Variants in MSRA observed in about 807,000 individuals in gnomAD.
MSRA encodes methionine sulfoxide reductase A.
Under a neutral mutation model 31.3 loss-of-function variants are expected in MSRA, and 54 were observed. The ratio of observed to expected loss-of-function variants is 1.73; its 90% CI spans 1.39 to 2.17. MSRA has a LOEUF of 2.17. Among genes scored for constraint, MSRA ranks in the 30% most tolerant of loss-of-function variants. The probability of loss-of-function intolerance (pLI) is 0.00; values close to 1 mark genes in which losing one functional copy is unlikely to be tolerated. For synonymous variants in MSRA, 169 were observed against 116.5 expected (o/e 1.45, Z -2.90); for missense variants, 507 against 300.9 (o/e 1.69, Z -5.07).
chr8:10,387,942 C>T (rs1411897682), intron 5 of MSRA, among the ~76,000 whole-genome samples: 1 of 152,284 alleles, frequency 6.6e-6, no homozygotes, highest in Non-Finnish European at 1.5e-5. Context: ...CTTGGCATGC[C>T]AAAGCCGCCT....
chr8:10,346,499 G>T lies in MSRA; in HGVS notation c.543+26510G>T, dbSNP rs551028092. Among the ~76,000 whole-genome samples, 3 of 152,234 alleles carry T rather than the reference G, an allele frequency of 2.0e-5. No individual in the cohort carries two copies. In the South Asian group the frequency reaches 6.2e-4, roughly 32 times the overall value. On this transcript the variant is annotated intron_variant, in intron 5 of 5. Transcript: ENST00000317173. The stretch of plus-strand genomic sequence containing the variant: ...GGAAATAAACGAAGACCACCAAATG[G>T]AAACAAGCAAAGCCTCTTGAATCAG...
At chr8:10,275,579 A>G (rs1326681891) in intron 3 of MSRA, among the ~76,000 whole-genome samples, 1 of 152,216 alleles carries the variant, frequency 6.6e-6, no homozygotes, top group Non-Finnish European at 1.5e-5. Context: ...TGCTTGAAGT[A>G]ATTGGAACAG....
intron 1 of MSRA, among the ~76,000 whole-genome samples, chr8:10,089,404 C>CCAGTAA (rs1563421576): frequency 6.6e-6 from 1 of 152,114 alleles, no homozygotes; most frequent in African/African-American, 2.4e-5. Flanking sequence ...TTTGAGGCCA[C>CCAGTAA]CAGTAAATCA....
At chr8:10,095,611 A>G (rs1563430704) in intron 1 of MSRA, 2 of 987,714 alleles carry the variant, frequency 2.0e-6, no homozygotes, top group Non-Finnish European at 2.4e-6. Context: ...AAAGAAAAAA[A>G]GGCAAGACTT....
intron 1 of MSRA, among the ~76,000 whole-genome samples, chr8:10,184,235 T>C (rs577230845): frequency 6.6e-6 from 1 of 152,120 alleles, no homozygotes; most frequent in African/African-American, 2.4e-5. Context: ...GAAGTGGTTG[T>C]GTTGATGATT....
chr8:10,163,623 T>C (rs1185043723), intron 1 of MSRA, among the ~76,000 whole-genome samples: 1 of 152,162 alleles, frequency 6.6e-6, no homozygotes, highest in Non-Finnish European at 1.5e-5. Flanking sequence ...CAAGATGAAA[T>C]GTGAAATCAG....
intron 4 of MSRA, among the ~76,000 whole-genome samples, chr8:10,319,042 C>G (rs1038582824): frequency 1.3e-5 from 2 of 152,224 alleles, no homozygotes; most frequent in Non-Finnish European, 2.9e-5. Flanking sequence ...CCCCACTGAT[C>G]ACGTGAACTT....
At chr8:10,358,490 G>T (rs1000391146) in intron 5 of MSRA, among the ~76,000 whole-genome samples, 2 of 147,966 alleles carry the variant, frequency 1.4e-5, no homozygotes, top group African/African-American at 5.0e-5. Flanking sequence ...TTAGGAACCT[G>T]GTTGCACAGA....
chr8:10,421,309 C>T (rs554341579), intron 5 of MSRA, among the ~76,000 whole-genome samples: 1 of 152,270 alleles, frequency 6.6e-6, no homozygotes, highest in African/African-American at 2.4e-5. Context: ...AATAAGAAGC[C>T]TACATTTTAG....
chr8:10,330,603 G>T (rs1051772848), intron 5 of MSRA, among the ~76,000 whole-genome samples: 1 of 152,178 alleles, frequency 6.6e-6, no homozygotes, highest in African/African-American at 2.4e-5. Flanking sequence ...TGTGAAGTTT[G>T]TGGTAATAAA....
intron 2 of MSRA, among the ~76,000 whole-genome samples, chr8:10,228,078 A>C (rs1292944530): frequency 6.6e-6 from 1 of 152,064 alleles, no homozygotes; most frequent in Non-Finnish European, 1.5e-5. Context: ...GGCCACCAAG[A>C]TGGTGTCTGG....
At chr8:10,107,110 C>T (rs558081283) in intron 1 of MSRA, among the ~76,000 whole-genome samples, 3 of 152,290 alleles carry the variant, frequency 2.0e-5, no homozygotes, top group South Asian at 2.1e-4. Context: ...TGAAGGACTA[C>T]AGATCAGTAA....
chr8:10,188,161 A>G (rs1447514688), intron 1 of MSRA, among the ~76,000 whole-genome samples: 1 of 152,260 alleles, frequency 6.6e-6, no homozygotes, highest in Non-Finnish European at 1.5e-5. Context: ...TTAATATCTT[A>G]CATAATCAGT....
chr8:10,234,881 A>G (rs1811820827), intron 2 of MSRA, among the ~76,000 whole-genome samples: 2 of 152,106 alleles, frequency 1.3e-5, no homozygotes, highest in African/African-American at 2.4e-5. Flanking sequence ...CAAGAGGATA[A>G]TAAGACTTGT....
intron 5 of MSRA, among the ~76,000 whole-genome samples, chr8:10,408,160 C>T (rs1807935461): frequency 6.6e-6 from 1 of 152,166 alleles, no homozygotes; most frequent in Non-Finnish European, 1.5e-5. Flanking sequence ...GGTCGCATCC[C>T]TGGGACGAGA....
chr8:10,104,274 T>C (rs1378340481), intron 1 of MSRA, among the ~76,000 whole-genome samples: 5 of 152,226 alleles, frequency 3.3e-5, no homozygotes, highest in African/African-American at 1.2e-4. Context: ...GTATTTGTAA[T>C]GTGAACCCAA....
intron 1 of MSRA, among the ~76,000 whole-genome samples, chr8:10,055,870 T>A (rs1802333320): frequency 6.6e-6 from 1 of 152,200 alleles, no homozygotes; most frequent in South Asian, 2.1e-4. Context: ...TGGCTTATTA[T>A]TAATCGAATT....
At chr8:10,186,245 CAG>C (rs927894373) in intron 1 of MSRA, among the ~76,000 whole-genome samples, 6 of 152,102 alleles carry the variant, frequency 3.9e-5, no homozygotes, top group African/African-American at 1.2e-4. Context: ...TGTTCTAGGA[CAG>C]GGGCTGGCAA....
intron 2 of MSRA, among the ~76,000 whole-genome samples, chr8:10,209,397 G>A (rs913635912): frequency 6.6e-6 from 1 of 152,172 alleles, no homozygotes; most frequent in African/African-American, 2.4e-5. Flanking sequence ...GTTTCCCTCT[G>A]TTGTGATATT....
Sources: allele counts gnomAD v4.1 joint callset (sites outside exome capture counted in the v4.1 genomes callset), GRCh38; gene constraint gnomAD v4.1.1; transcripts MANE v1.5; gene names NCBI Gene and HGNC (gene_info 2026-07-23, HGNC 2026-07-21).